The following ENPEP variants were observed in gnomAD, a reference collection of about 807,000 sequenced individuals.
ENPEP encodes the protein glutamyl aminopeptidase, also known as AP-A.
In ENPEP, 103 loss-of-function variants were observed where a neutral mutation model predicts 114.5. The observed-to-expected ratio is 0.90, with a 90% CI of 0.77 to 1.06. The LOEUF is 1.06. Among genes scored for constraint, ENPEP ranks in the 50% least tolerant of loss-of-function variants. The pLI, the probability that ENPEP is intolerant of heterozygous loss-of-function variation, is 0.00. For missense variants in ENPEP, 1,196 were observed against 1,161.3 expected (o/e 1.03, Z -0.43); for synonymous variants, 420 against 422.0 (o/e 1.00, Z 0.06).
chr4:110,528,297 G>T (rs1726274247), intron 10 of ENPEP, among the ~76,000 whole-genome samples: 1 of 152,106 alleles, frequency 6.6e-6, no homozygotes, highest in Non-Finnish European at 1.5e-5. Flanking sequence ...ATCCGTAGTA[G>T]CTCCTGAACA....
Position 110,561,605 on chromosome 4 carries a change from T to C in ENPEP, c.*47T>C. ...AATTTTGTGAATCTATTGTTTCTCCTCTGAAGCATTTGGTGGCCTAATTTA... is the reference window on the plus strand; with the variant it reads ...AATTTTGTGAATCTATTGTTTCTCCCCTGAAGCATTTGGTGGCCTAATTTA... On this transcript the variant is annotated 3_prime_UTR_variant, in exon 20 of 20. Transcript: ENST00000265162. 2 of 1,572,104 alleles carry C rather than the reference T, an allele frequency of 1.3e-6. No homozygotes were observed. Among genetic ancestry groups the C allele is most frequent in the South Asian group, 2.3e-5 (2 of 86,368 alleles).
At chr4:110,528,703 G>A (rs1372345098) in intron 10 of ENPEP, among the ~76,000 whole-genome samples, 3 of 152,174 alleles carry the variant, frequency 2.0e-5, no homozygotes, top group East Asian at 1.9e-4. Flanking sequence ...GCCTTTGATA[G>A]TCCACTCCAT....
intron 3 of ENPEP, among the ~76,000 whole-genome samples, chr4:110,503,065 C>A (rs752533582): frequency 6.6e-6 from 1 of 152,140 alleles, no homozygotes; most frequent in Non-Finnish European, 1.5e-5. Context: ...TCCCCCCACC[C>A]CACGACAGGC....
At chr4:110,520,182 A>G (rs766134277) in intron 9 of ENPEP, 33 bp from the exon 10 acceptor site, 4 of 1,604,008 alleles carry the variant, frequency 2.5e-6, no homozygotes, top group African/African-American at 1.3e-5. Context: ...ATATTTGTTA[A>G]TTAATTAATC....
chr4:110,494,780 A>G (rs566348004), intron 3 of ENPEP, among the ~76,000 whole-genome samples: 25 of 152,348 alleles, frequency 1.6e-4, no homozygotes, highest in African/African-American at 4.6e-4. Flanking sequence ...TTTTGATTCA[A>G]TGCTAAACAG....
At chr4:110,531,328 A>T (rs745483877) in intron 11 of ENPEP, 51 bp downstream of exon 11, 11 of 1,301,694 alleles carry the variant, frequency 8.5e-6, no homozygotes, top group Non-Finnish European at 1.0e-5. Flanking sequence ...GTACCACATT[A>T]AACTAATATA....
chr4:110,509,687 C>A lies in ENPEP; in HGVS notation c.1074C>A (p.Ala358=), dbSNP rs945362800. 6.2e-7 allele frequency: 1 copy of A among 1,613,600 alleles called. No individual in the cohort carries two copies. Among genetic ancestry groups the A allele is most frequent in the Non-Finnish European group, 8.5e-7 (1 of 1,179,896 alleles). Reference sequence around the variant, plus strand: ...CTATTCCAGATTTTGGCACTGGTGCCATGGAGAACTGGGGACTCATCACGT... The same window carrying A: ...CTATTCCAGATTTTGGCACTGGTGCAATGGAGAACTGGGGACTCATCACGT... The part of the protein sequence containing the change: ...KIAIPDFGTG[A]MENWGLITYR... Residue 358 remains alanine (A), a synonymous_variant, in exon 5 of 20, where the codon GCC becomes GCA. Transcript: ENST00000265162.
rs1431545225 is a variant in ENPEP, at chr4:110,510,272, T to A, written c.1222T>A (p.Trp408Arg). ...QWFGNIVTMD[W>R]WEDLWLNEGF... is the part of the protein sequence containing the mutation. ...GTTTGGAAATATTGTGACCATGGAC[T>A]GGTGGGAAGACTTGTGGCTAAATGA... Residue 408 changes from tryptophan (W) to arginine (R), a missense_variant, in exon 6 of 20, where the codon TGG (tryptophan) becomes AGG (arginine). Coordinates refer to ENST00000265162, the MANE Select transcript of ENPEP (RefSeq NM_001977.4). 1 of 1,614,056 alleles carries A rather than the reference T, an allele frequency of 6.2e-7. No individual in the cohort carries two copies. The highest frequency in any genetic ancestry group is 8.5e-7 in the Non-Finnish European group (1 of 1,180,004).
intron 13 of ENPEP, 27 bp from the exon 14 acceptor site, chr4:110,548,149 T>C (rs752394064): frequency 9.6e-7 from 1 of 1,037,698 alleles, no homozygotes; most frequent in Non-Finnish European, 1.2e-6. Flanking sequence ...GTTTTTTTTT[T>C]TTTTTTTTTT....
intron 18 of ENPEP, among the ~76,000 whole-genome samples, chr4:110,556,292 TTGTCATATTAC>T (rs1239110590): frequency 6.6e-6 from 1 of 152,084 alleles, no homozygotes; most frequent in Non-Finnish European, 1.5e-5. Context: ...ATAACTCCTA[TTGTCATATTAC>T]TGTTTCTCCT....
intron 10 of ENPEP, among the ~76,000 whole-genome samples, chr4:110,529,850 G>A (rs1578409824): frequency 1.3e-5 from 2 of 152,098 alleles, no homozygotes; most frequent in South Asian, 4.1e-4. Flanking sequence ...GAGGCAGGTG[G>A]ATCACCTGAG....
intron 18 of ENPEP, among the ~76,000 whole-genome samples, chr4:110,557,368 G>C (rs1727516822): frequency 6.6e-6 from 1 of 152,210 alleles, no homozygotes; most frequent in African/African-American, 2.4e-5. Context: ...TCATTCATCT[G>C]TATGGATCTG....
In ENPEP at chr4:110,491,163, C is replaced by A. The variant is rs764736928; in HGVS notation, c.917C>A (p.Pro306His). 5.0e-6 allele frequency: 8 copies of A among 1,596,420 alleles called. No homozygotes were observed. Among genetic ancestry groups the A allele is most frequent in the Non-Finnish European group, 6.0e-6 (7 of 1,175,246 alleles). ...SVKRISNSGK[P>H]LTIYVQPEQK... ...AAGAGAATATCAAATAGTGGAAAAC[C>A]TGTGAGTCTCATTATATTTTAAAAA... The change falls in exon 3 of 20, where the codon CCT (proline) becomes CAT (histidine). Residue 306 changes from proline to histidine, a missense_variant and splice_region_variant. Physicochemically the swap from Pro to His is moderately conservative, Grantham distance 77. Coordinates refer to ENST00000265162, the MANE Select transcript of ENPEP (RefSeq NM_001977.4).
At chr4:110,552,949 T>C (rs956500953) in intron 17 of ENPEP, among the ~76,000 whole-genome samples, 3 of 152,106 alleles carry the variant, frequency 2.0e-5, no homozygotes, top group Non-Finnish European at 4.4e-5. Flanking sequence ...AATGGGAAAG[T>C]GTGTGAAGTA....
At chr4:110,521,069 G>A (rs945014312) in intron 10 of ENPEP, among the ~76,000 whole-genome samples, 1 of 152,172 alleles carries the variant, frequency 6.6e-6, no homozygotes, top group African/African-American at 2.4e-5. Flanking sequence ...TTTGCAGGAT[G>A]GGTGGGCTGG....
chr4:110,538,858 G>A (rs905040308), intron 11 of ENPEP, among the ~76,000 whole-genome samples: 2 of 152,038 alleles, frequency 1.3e-5, no homozygotes, highest in African/African-American at 4.8e-5. Flanking sequence ...GTCCCAAGGG[G>A]AAGGAGAGAG....
chr4:110,554,402 C>A (rs886352402), intron 18 of ENPEP, among the ~76,000 whole-genome samples: 7 of 151,996 alleles, frequency 4.6e-5, no homozygotes, highest in Non-Finnish European at 7.4e-5. Context: ...TGCTGAGATT[C>A]AGATTCTACC....
At chr4:110,498,840 C>T (rs1725046080) in intron 3 of ENPEP, among the ~76,000 whole-genome samples, 1 of 152,152 alleles carries the variant, frequency 6.6e-6, no homozygotes, top group African/African-American at 2.4e-5. Flanking sequence ...TTCAACCTTC[C>T]CTCACCTTCC....
chr4:110,519,154 T>A, intron 8 of ENPEP: 2 of 455,062 alleles, frequency 4.4e-6, no homozygotes, highest in Non-Finnish European at 8.8e-6. Flanking sequence ...GCTTCATCCC[T>A]CTTCCAGGCT....
Sources: gnomAD v4.1 joint callset for allele counts (sites outside exome capture counted in the v4.1 genomes callset) on GRCh38, gnomAD v4.1.1 for gene constraint, MANE v1.5 for transcripts, NCBI Gene and HGNC (gene_info 2026-07-23, HGNC 2026-07-21) for gene names.